Variants in POLR1C observed in about 807,000 individuals in gnomAD.
POLR1C encodes the protein RNA polymerase I and III subunit C.
POLR1C carries 42 observed loss-of-function variants against 38.3 expected under a neutral mutation model. The observed-to-expected ratio is 1.10, with a 90% CI of 0.86 to 1.42. The LOEUF is 1.42. POLR1C is among the 40% of genes most tolerant of loss of function. The probability of loss-of-function intolerance (pLI) is 0.00; values close to 1 mark genes in which losing one functional copy is unlikely to be tolerated. For synonymous variants in POLR1C, 163 were observed against 163.9 expected (o/e 0.99, Z 0.04); for missense variants, 507 against 450.5 (o/e 1.13, Z -1.14).
At chr6:43,546,774 A>C in intron 9 of POLR1C, 6 of 1,523,594 alleles carry the variant, frequency 3.9e-6, no homozygotes, top group Non-Finnish European at 5.3e-6. Context: ...TAAGAATGAC[A>C]GATAAATATT....
Position 43,556,859 on chromosome 6 carries a change from TG to T in POLR1C, c.*49-4539del, listed in dbSNP as rs753059091. Among the ~76,000 whole-genome samples the T allele has an allele frequency of 1.0e-3, 156 of 152,328 alleles. 1 individual carries two copies. The highest frequency in any genetic ancestry group is 1.9e-3 in the Non-Finnish European group (130 of 68,032). On this transcript the variant is annotated intron_variant, in intron 10 of 10. Transcript: ENST00000607635. ...AAAAAGAAATGAAGGCCGGGTGTGG[TG>T]GCTCACGCCTATAATCCAGCACTTT...
At chr6:43,519,032 C>A in intron 2 of POLR1C, 1 of 426,040 alleles carries the variant, frequency 2.3e-6, no homozygotes, top group Non-Finnish European at 4.4e-6. Context: ...AGTAAGAGGA[C>A]TGAGTAGTGT....
rs1792882488 is a variant in POLR1C, at chr6:43,517,296, T to A, written c.70-10T>A. ...GTCCCTTCGTGGACAAATTCGTCCCTTTGCTCTAGGTCCATACTACTGACT... is the reference window on the plus strand; with the variant it reads ...GTCCCTTCGTGGACAAATTCGTCCCATTGCTCTAGGTCCATACTACTGACT... On this transcript the variant is annotated splice_polypyrimidine_tract_variant and intron_variant, in intron 1 of 8. Coordinates refer to ENST00000642195, the MANE Select transcript of POLR1C (RefSeq NM_203290.4). 4 of 1,613,920 alleles carry A rather than the reference T, an allele frequency of 2.5e-6. No homozygotes were observed. The highest frequency in any genetic ancestry group is 3.4e-6 in the Non-Finnish European group (4 of 1,179,768).
chr6:43,560,576 T>C (rs537558397), intron 10 of POLR1C, among the ~76,000 whole-genome samples: 57 of 152,368 alleles, frequency 3.7e-4, no homozygotes, highest in African/African-American at 1.2e-3. Flanking sequence ...AGAGTGATAT[T>C]AGAAGGACAA....
intron 9 of POLR1C, among the ~76,000 whole-genome samples, chr6:43,545,345 G>C (rs1437957572): frequency 6.6e-6 from 1 of 152,134 alleles, no homozygotes; most frequent in Non-Finnish European, 1.5e-5. Context: ...GCCCCGTTGA[G>C]ACTGCTTTTA....
chr6:43,543,548 A>G (rs1279634588), intron 9 of POLR1C, among the ~76,000 whole-genome samples: 1 of 152,162 alleles, frequency 6.6e-6, no homozygotes, highest in East Asian at 1.9e-4. Context: ...GTATTAGGTA[A>G]AGTTGCTTCT....
exon 11 of POLR1C, chr6:43,561,653 A>C (rs1210676437): frequency 1.3e-5 from 2 of 153,370 alleles, no homozygotes; most frequent in Non-Finnish European, 2.9e-5. Context: ...TGCTGGGATT[A>C]CAGGCATGAG....
downstream of POLR1C, chr6:43,525,137 G>A: frequency 1.3e-6 from 2 of 1,580,866 alleles, no homozygotes; most frequent in Non-Finnish European, 1.7e-6. Context: ...AGAGCTGTGA[G>A]GTTGTCCTCT....
At chr6:43,539,047 G>C in intron 9 of POLR1C, 2 of 1,541,090 alleles carry the variant, frequency 1.3e-6, no homozygotes, top group Non-Finnish European at 1.8e-6. Flanking sequence ...AGCAGTCATC[G>C]ATACCAGCCA....
At chr6:43,546,769 A>G in intron 9 of POLR1C, 1 of 1,537,446 alleles carries the variant, frequency 6.5e-7, no homozygotes, top group South Asian at 1.2e-5. Context: ...AAAAATAAGA[A>G]TGACAGATAA....
At chr6:43,548,404 G>A (rs772030069) in intron 9 of POLR1C, 2 of 1,610,046 alleles carry the variant, frequency 1.2e-6, no homozygotes, top group South Asian at 2.2e-5. Flanking sequence ...TTTGTGTCAG[G>A]AGTAGCTCAT....
At chr6:43,553,941 C>T (rs1761872858) in intron 10 of POLR1C, among the ~76,000 whole-genome samples, 1 of 152,052 alleles carries the variant, frequency 6.6e-6, no homozygotes, top group Non-Finnish European at 1.5e-5. Context: ...AGAATCTTCC[C>T]AATAAGGAAA....
exon 11 of POLR1C, chr6:43,562,134 C>T: frequency 1.4e-6 from 1 of 716,522 alleles, no homozygotes. Context: ...TTGTATGGCA[C>T]TGCCCCATCA....
At chr6:43,519,102 T>G (rs1225982021) in intron 2 of POLR1C, 1 of 573,284 alleles carries the variant, frequency 1.7e-6, no homozygotes. Flanking sequence ...CTGTGGATGG[T>G]TTGGTTGGAA....
chr6:43,561,445 C>T (rs1762411750), exon 11 of POLR1C: 1 of 156,866 alleles, frequency 6.4e-6, no homozygotes. Context: ...GTGGCACGAT[C>T]TCGGCTCACT....
At chr6:43,520,222 T>G (rs202138719) in intron 5 of POLR1C, 37 bp downstream of exon 5, 1 of 1,614,042 alleles carries the variant, frequency 6.2e-7, no homozygotes, top group Non-Finnish European at 8.5e-7. Flanking sequence ...GCCCCACCTG[T>G]GGGTAGCTGC....
intron 10 of POLR1C, chr6:43,560,447 A>G: frequency 9.8e-7 from 1 of 1,022,016 alleles, no homozygotes; most frequent in Non-Finnish European, 1.4e-6. Flanking sequence ...TTTATCAGTA[A>G]TGACCACCCA....
intron 2 of POLR1C, among the ~76,000 whole-genome samples, chr6:43,518,589 C>T (rs1036325255): frequency 6.6e-6 from 1 of 152,132 alleles, no homozygotes; most frequent in Non-Finnish European, 1.5e-5. Context: ...AGACAAGAAC[C>T]TGGCAAATTT....
intron 10 of POLR1C, chr6:43,553,526 TACACAC>T (rs111634867): frequency 1.4e-5 from 20 of 1,447,934 alleles, no homozygotes; most frequent in African/African-American, 2.9e-5. Context: ...CACACACACA[TACACAC>T]ACACACACAC....
Sources: allele counts gnomAD v4.1 joint callset (sites outside exome capture counted in the v4.1 genomes callset), GRCh38; gene constraint gnomAD v4.1.1; transcripts MANE v1.5; gene names NCBI Gene and HGNC (gene_info 2026-07-23, HGNC 2026-07-21).